Variants in ILDR2 observed in about 807,000 individuals in gnomAD.
ILDR2 encodes the protein immunoglobulin like domain containing receptor 2.
Under a neutral mutation model 66.8 loss-of-function variants are expected in ILDR2, and 25 were observed. The observed-to-expected ratio is 0.37, with a 90% CI of 0.27 to 0.52. The LOEUF (loss-of-function observed/expected upper bound fraction) is 0.52, where lower values mean the gene tolerates loss of function less well. ILDR2 is among the 20% of genes least tolerant of loss of function. ILDR2 has a pLI of 0.88. For synonymous variants in ILDR2, 367 were observed against 357.2 expected (o/e 1.03, Z -0.31); for missense variants, 827 against 876.8 (o/e 0.94, Z 0.72).
chr1:166,936,556 G>A lies in ILDR2; in HGVS notation c.703+35C>T, dbSNP rs965874998. 6 of 1,613,674 alleles carry A rather than the reference G, an allele frequency of 3.7e-6. No individual in the cohort carries two copies. The highest frequency in any genetic ancestry group is 2.2e-5 in the East Asian group (1 of 44,868). On this transcript the variant is annotated intron_variant, in intron 5 of 9. Transcript: ENST00000271417. This position sits in a 1 kb window ranked among gnomAD's most constrained non-coding sequence, Gnocchi z 5.0. ...AGGTAGAGAGGTAGACATTTCTCTC[G>A]ATCGCTCTGTCTCCCCAGCGGTCAC...
At chr1:166,966,487 A>T (rs943618094) in intron 1 of ILDR2, among the ~76,000 whole-genome samples, 21 of 152,170 alleles carry the variant, frequency 1.4e-4, no homozygotes, top group African/African-American at 4.8e-4. Context: ...GCCACTGCCC[A>T]GGTGGATTTT....
intron 3 of ILDR2, among the ~76,000 whole-genome samples, chr1:166,954,093 T>C (rs930098166): frequency 2.0e-5 from 3 of 152,184 alleles, no homozygotes; most frequent in Non-Finnish European, 4.4e-5. Flanking sequence ...CCAAGTCCAC[T>C]TTTGCTAGAC....
chr1:166,899,763 C>A (rs1368644476), intron 2 of ILDR2, among the ~76,000 whole-genome samples: 2 of 152,228 alleles, frequency 1.3e-5, no homozygotes, highest in East Asian at 3.8e-4. Flanking sequence ...AACCCTTCTT[C>A]TCCTTGCTCT....
Position 166,919,095 on chromosome 1 carries a change from A to C in ILDR2, c.*260T>G, listed in dbSNP as rs1273078427. ...GAGGAGGCTGGGCAGGATAAACGCT[A>C]TAGTTGAGAAACTCTGTATGTAGGA... On this transcript the variant is annotated 3_prime_UTR_variant, in exon 10 of 10. Coordinates refer to ENST00000271417, the MANE Select transcript of ILDR2 (RefSeq NM_199351.3). The C allele has an allele frequency of 7.8e-6, 4 of 514,644 alleles. No homozygotes were observed. In the East Asian group the frequency reaches 1.2e-4, roughly 15 times the overall value. The allele number at this position is 514,644 out of a possible 1,614,324, so 31.9% of individuals were successfully genotyped here. A position where few individuals can be genotyped will look rare whatever the true frequency, so the allele number is the denominator to read the frequency against.
intron 2 of ILDR2, among the ~76,000 whole-genome samples, chr1:166,897,027 C>T (rs761495258): frequency 1.3e-4 from 20 of 152,152 alleles, no homozygotes; most frequent in East Asian, 1.9e-4. Context: ...TGCTGCTATA[C>T]GCAATTGGGA....
chr1:166,930,837 G>T (rs1303092147), intron 6 of ILDR2, among the ~76,000 whole-genome samples: 2 of 152,304 alleles, frequency 1.3e-5, no homozygotes, highest in Non-Finnish European at 2.9e-5. Flanking sequence ...ACAGCAAATA[G>T]CATGGTGTCA....
rs774379863 is a variant in ILDR2 at position 166,935,280 on chromosome 1, G to A, written c.880+21C>T. On this transcript the variant is annotated intron_variant, in intron 6 of 9. Coordinates refer to ENST00000271417, the MANE Select transcript of ILDR2 (RefSeq NM_199351.3). ...GGGGCCCGAGACAAGCATGGGCAGG[G>A]CAGTCTGGAACTACATTTACCACTG... The A allele has an allele frequency of 2.6e-5, 42 of 1,613,528 alleles. No homozygotes were observed. The Admixed American group carries it at 7.0e-4, about 27-fold the overall frequency.
chr1:166,929,916 G>C (rs1014376740), intron 6 of ILDR2, among the ~76,000 whole-genome samples: 1 of 152,158 alleles, frequency 6.6e-6, no homozygotes, highest in Non-Finnish European at 1.5e-5. Flanking sequence ...AGGAAAACTA[G>C]CATGTCTGTA....
intron 1 of ILDR2, among the ~76,000 whole-genome samples, chr1:166,965,990 A>T (rs1227766363): frequency 6.6e-6 from 1 of 152,170 alleles, no homozygotes; most frequent in Non-Finnish European, 1.5e-5. Flanking sequence ...AGCCCTTAGT[A>T]GCATTGTCGG....
chr1:166,952,164 C>T (rs1218758838), intron 3 of ILDR2, among the ~76,000 whole-genome samples: 1 of 152,176 alleles, frequency 6.6e-6, no homozygotes, highest in African/African-American at 2.4e-5. Context: ...CCTTTGCCTG[C>T]CAGCTGGAGA....
In ILDR2 at chr1:166,921,041, G is replaced by A. The variant is rs868749457; in HGVS notation, c.1550C>T (p.Thr517Met). ...GTCGTATTTGGGTGCGGTGCCTGGC[G>A]TGCGGCTCACCAGCCGCGGCAGGTG... ...DAHLPRLVSR[T>M]PGTAPKYDHS... The change falls in exon 9 of 10, where the codon ACG (threonine) becomes ATG (methionine). Residue 517 changes from threonine to methionine, a missense_variant. Around this residue, in one of 2 missense-constraint regions of ILDR2, gnomAD observed 390 missense variants for 353.6 expected, o/e 1.10. Coordinates refer to ENST00000271417, the MANE Select transcript of ILDR2 (RefSeq NM_199351.3). This position sits in a 1 kb window ranked among gnomAD's most constrained non-coding sequence, Gnocchi z 5.3. 1 of 1,507,808 alleles carries A rather than the reference G, an allele frequency of 6.6e-7. No homozygotes were observed. The highest frequency in any genetic ancestry group is 8.8e-7 in the Non-Finnish European group (1 of 1,139,094). The allele number at this position is 1,507,808 out of a possible 1,614,324, so 93.4% of individuals were successfully genotyped here. A position where few individuals can be genotyped will look rare whatever the true frequency, so the allele number is the denominator to read the frequency against.
At chr1:166,961,000 G>A (rs1662579243) in intron 1 of ILDR2, among the ~76,000 whole-genome samples, 1 of 152,170 alleles carries the variant, frequency 6.6e-6, no homozygotes, top group African/African-American at 2.4e-5. Flanking sequence ...ACCACTCACA[G>A]GCACCATTCC....
In ILDR2 at chr1:166,917,761, C is replaced by G. The variant is rs915367867; in HGVS notation, c.*1594G>C. On this transcript the variant is annotated 3_prime_UTR_variant, in exon 10 of 10. Transcript: ENST00000271417. ...GAAATTTGGGCTGGGTTCAGCTAGG[C>G]AGTTCTTCTATTGGTATCACCTGGA... 5.3e-5 allele frequency: 8 copies of G among 152,234 alleles called. No individual in the cohort carries two copies. The highest frequency in any genetic ancestry group is 2.9e-5 in the Non-Finnish European group (2 of 68,052). 9.4% of individuals were successfully genotyped at this position (152,234 alleles called of 1,614,324 possible).
At chr1:166,934,425 C>G (rs908100672) in intron 6 of ILDR2, among the ~76,000 whole-genome samples, 1 of 152,208 alleles carries the variant, frequency 6.6e-6, no homozygotes, top group Non-Finnish European at 1.5e-5. Flanking sequence ...ATTTCACTCC[C>G]ATTGTCTCCA....
chr1:166,969,148 A>T (rs1237543629), intron 1 of ILDR2, among the ~76,000 whole-genome samples: 3 of 152,134 alleles, frequency 2.0e-5, no homozygotes, highest in South Asian at 4.1e-4. Flanking sequence ...ACAAAATCCT[A>T]AGCTGGCATC....
At chr1:166,904,035 G>T (rs2038021), downstream of ILDR2, among the ~76,000 whole-genome samples, 1 of 151,960 alleles carries the variant, frequency 6.6e-6, no homozygotes, top group South Asian at 2.1e-4. Flanking sequence ...TGTCTCCCTC[G>T]CTGGAATTTG....
At chr1:166,954,387 G>T (rs1662153845) in intron 3 of ILDR2, among the ~76,000 whole-genome samples, 3 of 152,158 alleles carry the variant, frequency 2.0e-5, no homozygotes, top group African/African-American at 7.2e-5. Flanking sequence ...TCAGAATTTT[G>T]TATTTGGAAA....
chr1:166,973,494 G>A (rs1188178242), intron 1 of ILDR2, among the ~76,000 whole-genome samples: 1 of 151,856 alleles, frequency 6.6e-6, no homozygotes, highest in Non-Finnish European at 1.5e-5. Flanking sequence ...AAAGCTGTGA[G>A]CCATCTAAAG....
intron 9 of ILDR2, 72 bp downstream of exon 9, chr1:166,920,635 G>A: frequency 7.5e-7 from 1 of 1,326,602 alleles, no homozygotes; most frequent in Non-Finnish European, 9.7e-7. Flanking sequence ...CCCCCAGACA[G>A]CGACACTGCT....
Sources: allele counts gnomAD v4.1 joint callset (sites outside exome capture counted in the v4.1 genomes callset), GRCh38; gene constraint gnomAD v4.1.1; regional missense constraint gnomAD v4.1.1; non-coding constraint Gnocchi (gnomAD v3.1); transcripts MANE v1.5; gene names NCBI Gene and HGNC (gene_info 2026-07-23, HGNC 2026-07-21).